Variants in UBE2H observed in about 807,000 individuals in gnomAD.
UBE2H encodes the protein ubiquitin conjugating enzyme E2 H.
UBE2H carries 3 observed loss-of-function variants against 29.0 expected under a neutral mutation model. The ratio of observed to expected loss-of-function variants is 0.10; its 90% confidence interval spans 0.05 to 0.27. The LOEUF is 0.27. Ranked by LOEUF, UBE2H falls within the 10% of genes least tolerant of loss-of-function variation. UBE2H has a pLI of 1.00. For synonymous variants in UBE2H, 69 were observed against 82.9 expected, an observed-to-expected ratio of 0.83 and a Z score of 0.91; for missense variants, 68 against 228.2, an observed-to-expected ratio of 0.30 and a Z score of 4.52.
At chr7:129,874,857 C>T (rs1806115565) in intron 3 of UBE2H, among the ~76,000 whole-genome samples, 1 of 152,110 alleles carries the variant, frequency 6.6e-6, no homozygotes, top group African/African-American at 2.4e-5. Context: ...CGCGTAAAGA[C>T]AGTATCTGAG....
At chr7:129,878,897 A>G (rs1374557666) in intron 3 of UBE2H, among the ~76,000 whole-genome samples, 1 of 150,640 alleles carries the variant, frequency 6.6e-6, no homozygotes, top group Non-Finnish European at 1.5e-5. Context: ...CTAAATTACT[A>G]CCATTCTACA....
chr7:129,880,809 G>T, intron 2 of UBE2H, 86 bp downstream of exon 2: 1 of 1,223,874 alleles, frequency 8.2e-7, no homozygotes, highest in Non-Finnish European at 1.1e-6. Flanking sequence ...CAGAAACTAC[G>T]CATGCTACCA....
chr7:129,890,568 G>C (rs1050420225), intron 1 of UBE2H, among the ~76,000 whole-genome samples: 2 of 151,766 alleles, frequency 1.3e-5, no homozygotes, highest in Non-Finnish European at 2.9e-5. Context: ...TTAGATTTTT[G>C]TATTTCACCA....
intron 3 of UBE2H, among the ~76,000 whole-genome samples, chr7:129,867,610 T>C (rs1413369624): frequency 2.0e-4 from 20 of 100,716 alleles, no homozygotes; most frequent in African/African-American, 6.7e-4. Context: ...GATGACACAT[T>C]AGTGGGTGCA....
chr7:129,870,934 GCT>G (rs1218896364), intron 3 of UBE2H, among the ~76,000 whole-genome samples: 1 of 152,140 alleles, frequency 6.6e-6, no homozygotes, highest in Non-Finnish European at 1.5e-5. Flanking sequence ...TGCCTGGAAA[GCT>G]CTTACCCCTG....
chr7:129,923,570 G>A (rs1277079948), intron 1 of UBE2H, among the ~76,000 whole-genome samples: 1 of 152,120 alleles, frequency 6.6e-6, no homozygotes, highest in Non-Finnish European at 1.5e-5. Context: ...CCAAATTTAG[G>A]TTAAAGAATC....
chr7:129,912,934 T>G (rs1806967707), intron 1 of UBE2H, among the ~76,000 whole-genome samples: 1 of 152,116 alleles, frequency 6.6e-6, no homozygotes, highest in African/African-American at 2.4e-5. Flanking sequence ...CCAATAAAAG[T>G]CAAGGTTTCA....
At chr7:129,857,209 CATACAT>C (rs899721702) in intron 5 of UBE2H, 5 of 317,176 alleles carry the variant, frequency 1.6e-5, no homozygotes, top group African/African-American at 1.1e-4. Flanking sequence ...TGTGCTAATA[CATACAT>C]ATAAAATGTT....
intron 5 of UBE2H, among the ~76,000 whole-genome samples, chr7:129,848,914 T>C (rs1298849845): frequency 6.8e-6 from 1 of 146,000 alleles, no homozygotes; most frequent in Non-Finnish European, 1.5e-5. Context: ...TACTTAATAA[T>C]TTGGAGTTAA....
At chr7:129,879,062 A>G (rs1351287883) in intron 3 of UBE2H, among the ~76,000 whole-genome samples, 1 of 152,146 alleles carries the variant, frequency 6.6e-6, no homozygotes, top group Non-Finnish European at 1.5e-5. Flanking sequence ...TGAGGTTTCT[A>G]TTCTTTCTTC....
chr7:129,900,618 T>C (rs1806691201), intron 1 of UBE2H, among the ~76,000 whole-genome samples: 2 of 152,224 alleles, frequency 1.3e-5, no homozygotes, highest in South Asian at 2.1e-4. Context: ...ATTATGACCA[T>C]GTAAATTTTT....
At chr7:129,875,417 CT>C (rs1449928015) in intron 3 of UBE2H, among the ~76,000 whole-genome samples, 1 of 152,186 alleles carries the variant, frequency 6.6e-6, no homozygotes, top group Non-Finnish European at 1.5e-5. Flanking sequence ...TTGCTTCTGA[CT>C]TTTAAGTATT....
At chr7:129,844,428 C>T (rs1348109669) in intron 5 of UBE2H, among the ~76,000 whole-genome samples, 1 of 152,182 alleles carries the variant, frequency 6.6e-6, no homozygotes, top group East Asian at 1.9e-4. Context: ...AATAAAGATA[C>T]TCATCTGTAG....
chr7:129,834,380 C>T lies in UBE2H; in HGVS notation c.*557G>A, dbSNP rs1168326800. The T allele has an allele frequency of 1.3e-5, 2 of 152,696 alleles. No homozygotes were observed. The highest frequency in any genetic ancestry group is 2.9e-5 in the Non-Finnish European group (2 of 68,182). The allele number at this position is 152,696 out of a possible 1,614,324, so 9.5% of individuals were successfully genotyped here. On this transcript the variant is annotated 3_prime_UTR_variant, in exon 7 of 7. Coordinates refer to ENST00000355621, the MANE Select transcript of UBE2H (RefSeq NM_003344.4). ...TTTAATACTCTTAATTAGCTCCCTG[C>T]TTTATACTGTAACTCCACAGAAGAC...
chr7:129,902,759 T>C (rs990210498), intron 1 of UBE2H, among the ~76,000 whole-genome samples: 2 of 152,174 alleles, frequency 1.3e-5, no homozygotes, highest in South Asian at 2.1e-4. Flanking sequence ...GCAAGTGAAA[T>C]GATCTCTAAG....
At chr7:129,927,058 G>C (rs545412714) in intron 1 of UBE2H, among the ~76,000 whole-genome samples, 1 of 152,210 alleles carries the variant, frequency 6.6e-6, no homozygotes, top group South Asian at 2.1e-4. Flanking sequence ...ACTCAACTCT[G>C]TGCTTTTCCA....
At chr7:129,911,580 C>A (rs774538724) in intron 1 of UBE2H, among the ~76,000 whole-genome samples, 1 of 152,002 alleles carries the variant, frequency 6.6e-6, no homozygotes, top group Non-Finnish European at 1.5e-5. Flanking sequence ...AAGGCAGGCA[C>A]CTACACTAAC....
At chr7:129,869,371 C>T (rs544378952) in intron 3 of UBE2H, among the ~76,000 whole-genome samples, 1 of 152,052 alleles carries the variant, frequency 6.6e-6, no homozygotes, top group African/African-American at 2.4e-5. Flanking sequence ...CATCTCCTAT[C>T]CTACCAATCC....
intron 1 of UBE2H, among the ~76,000 whole-genome samples, chr7:129,906,627 CA>C (rs1463819773): frequency 6.6e-6 from 1 of 151,956 alleles, no homozygotes; most frequent in Non-Finnish European, 1.5e-5. Context: ...AACAAGTATG[CA>C]ATGTCTTACA....
Sources: allele counts gnomAD v4.1 joint callset (sites outside exome capture counted in the v4.1 genomes callset), GRCh38; gene constraint gnomAD v4.1.1; transcripts MANE v1.5; gene names NCBI Gene and HGNC (gene_info 2026-07-23, HGNC 2026-07-21).